The following HAUS6 variants were observed in gnomAD, a reference collection of about 807,000 sequenced individuals.
HAUS6 encodes the protein HAUS augmin-like complex subunit 6.
In HAUS6, 80 loss-of-function variants were observed where a neutral mutation model predicts 106.8. The observed-to-expected ratio is 0.75, with a 90% CI of 0.63 to 0.90. The LOEUF (loss-of-function observed/expected upper bound fraction) is 0.90, where lower values mean the gene tolerates loss of function less well. Ranked by LOEUF, HAUS6 falls within the 40% of genes least tolerant of loss-of-function variation. The probability of loss-of-function intolerance (pLI) is 0.00; values close to 1 mark genes in which losing one functional copy is unlikely to be tolerated. For synonymous variants in HAUS6, 356 were observed against 379.1 expected (o/e 0.94, Z 0.71); for missense variants, 1,155 against 1,118.1 (o/e 1.03, Z -0.47).
At chr9:19,088,505 A>G (rs966952525) in intron 5 of HAUS6, among the ~76,000 whole-genome samples, 1 of 152,194 alleles carries the variant, frequency 6.6e-6, no homozygotes, top group African/African-American at 2.4e-5. Context: ...GAAATAAAAT[A>G]AACACTACAA....
Position 19,089,354 on chromosome 9 carries a change from T to C in HAUS6, c.584+58A>G, listed in dbSNP as rs139042724. The C allele has an allele frequency of 5.0e-4, 544 of 1,079,694 alleles. 2 individuals are homozygous for C. In the African/African-American group the frequency reaches 7.7e-3, roughly 15 times the overall value. 66.9% of individuals were successfully genotyped at this position (1,079,694 alleles called of 1,614,324 possible). ...ATGGATTATTTCTCCTGACATTATA[T>C]TGGTGACATCTGTTCAAAAGAAAGA... On this transcript the variant is annotated intron_variant, in intron 5 of 16. Coordinates refer to ENST00000380502, the MANE Select transcript of HAUS6 (RefSeq NM_017645.5).
At chr9:19,080,847 C>G (rs1467695034) in intron 8 of HAUS6, among the ~76,000 whole-genome samples, 175 bp from the exon 9 acceptor site, 3 of 151,998 alleles carry the variant, frequency 2.0e-5, no homozygotes, top group Non-Finnish European at 4.4e-5. Context: ...GTGGTGGGGG[C>G]GGATCACCTG....
intron 15 of HAUS6, 88 bp downstream of exon 15, chr9:19,060,000 A>C (rs748908456): frequency 9.9e-7 from 1 of 1,007,102 alleles, no homozygotes; most frequent in Non-Finnish European, 1.5e-6. Flanking sequence ...GCCTTTGGCA[A>C]CTCAGCTAAA....
At position 19,060,724 on chromosome 9, in the gene HAUS6, G is replaced by A. The variant is rs951896145; in HGVS notation, c.1630-501C>T. On this transcript the variant is annotated intron_variant, in intron 14 of 16. Coordinates refer to ENST00000380502, the MANE Select transcript of HAUS6 (RefSeq NM_017645.5). ...ATCTTCATTACTGAAAAAAGCATAC[G>A]TACATTCTAAAACTAAAAAAGTATC... Among the ~76,000 whole-genome samples, 9 of 152,038 alleles carry A rather than the reference G, an allele frequency of 5.9e-5. No homozygotes were observed. The East Asian group carries it at 7.7e-4, about 13-fold the overall frequency.
intron 1 of HAUS6, among the ~76,000 whole-genome samples, chr9:19,100,548 T>C (rs1168801471): frequency 6.6e-6 from 1 of 152,092 alleles, no homozygotes; most frequent in East Asian, 1.9e-4. Flanking sequence ...AAAATAGAAG[T>C]ACCCTATGAT....
intron 13 of HAUS6, 148 bp downstream of exon 13, chr9:19,063,366 A>G: frequency 1.7e-6 from 1 of 578,758 alleles, no homozygotes; most frequent in Non-Finnish European, 2.9e-6. Flanking sequence ...CTTAGCAATA[A>G]GGAATATAAG....
At chr9:19,064,537 G>C (rs1836717138) in intron 12 of HAUS6, among the ~76,000 whole-genome samples, 1 of 151,800 alleles carries the variant, frequency 6.6e-6, no homozygotes. Flanking sequence ...TTTTACTTTG[G>C]TCTTAAAAAC....
At chr9:19,074,115 A>C (rs117236968) in intron 11 of HAUS6, among the ~76,000 whole-genome samples, 5,907 of 152,014 alleles carry the variant, frequency 0.039, 126 homozygotes, top group Non-Finnish European at 0.051. Flanking sequence ...GGCATGGCAG[A>C]GTGTGCCTGT....
intron 7 of HAUS6, among the ~76,000 whole-genome samples, chr9:19,084,051 CAAAA>C (rs35034404): frequency 1.0e-5 from 1 of 100,436 alleles, no homozygotes. Flanking sequence ...AGGATCCTTG[CAAAA>C]AAAAAAAAAA....
chr9:19,088,306 C>T (rs1817669135), intron 5 of HAUS6, among the ~76,000 whole-genome samples: 1 of 151,606 alleles, frequency 6.6e-6, no homozygotes, highest in African/African-American at 2.4e-5. Flanking sequence ...ATCCCAATTA[C>T]TCGGGAGGCT....
At chr9:19,073,479 C>T (rs191069163) in intron 11 of HAUS6, among the ~76,000 whole-genome samples, 19 of 150,860 alleles carry the variant, frequency 1.3e-4, no homozygotes, top group African/African-American at 4.1e-4. Context: ...TAAACGGACA[C>T]ATTTTCCCTC....
intron 1 of HAUS6, among the ~76,000 whole-genome samples, chr9:19,100,255 G>C (rs541801835): frequency 1.1e-4 from 17 of 152,246 alleles, no homozygotes; most frequent in Non-Finnish European, 2.2e-4. Context: ...CCAGCTATTC[G>C]GGAGGCTGAA....
intron 10 of HAUS6, 61 bp downstream of exon 10, chr9:19,078,115 T>C: frequency 7.8e-7 from 1 of 1,276,830 alleles, no homozygotes; most frequent in South Asian, 1.3e-5. Flanking sequence ...CAAGACACTG[T>C]CTCAAAAAAA....
intron 11 of HAUS6, among the ~76,000 whole-genome samples, chr9:19,074,667 T>C (rs1466205663): frequency 2.6e-5 from 4 of 152,088 alleles, no homozygotes; most frequent in Non-Finnish European, 5.9e-5. Context: ...CCTCCCCAAA[T>C]ACACCTGACT....
rs151203048 is a variant in HAUS6 at position 19,056,376 on chromosome 9, A to G, written c.2835T>C (p.Asp945=). Residue 945 remains aspartate (D), a synonymous_variant, in exon 17 of 17, where the codon GAT becomes GAC. Transcript: ENST00000380502. ...TCAAGTCAGACGGTGGTTCTTTTGCATCAAGGCTCTTATTCAAAATGTCTT... is the reference window on the plus strand; with the variant it reads ...TCAAGTCAGACGGTGGTTCTTTTGCGTCAAGGCTCTTATTCAAAATGTCTT... The part of the protein sequence containing the change: ...KEEDILNKSL[D]AKEPPSDLTR 9.0e-4 allele frequency: 1,401 copies of G among 1,556,248 alleles called. 9 individuals are homozygous for G. In the African/African-American group the frequency reaches 0.017, roughly 19 times the overall value.
intron 11 of HAUS6, among the ~76,000 whole-genome samples, chr9:19,074,562 A>C (rs940133837): frequency 1.3e-5 from 2 of 152,054 alleles, no homozygotes; most frequent in Non-Finnish European, 2.9e-5. Context: ...GTGAGCTGCT[A>C]TGCCCAGCCC....
chr9:19,089,943 T>C (rs1483097451), intron 4 of HAUS6, among the ~76,000 whole-genome samples: 1 of 151,960 alleles, frequency 6.6e-6, no homozygotes, highest in East Asian at 1.9e-4. Flanking sequence ...AGCAATCCTC[T>C]CACCTCAGCC....
intron 10 of HAUS6, among the ~76,000 whole-genome samples, chr9:19,077,184 G>A (rs1256488735): frequency 2.0e-5 from 3 of 152,178 alleles, no homozygotes; most frequent in Non-Finnish European, 2.9e-5. Context: ...TTAGGAGCAA[G>A]GGGGATTACT....
chr9:19,081,803 C>A (rs1021193690), intron 8 of HAUS6, among the ~76,000 whole-genome samples: 4 of 152,078 alleles, frequency 2.6e-5, no homozygotes, highest in African/African-American at 9.7e-5. Context: ...CACTGGCTCA[C>A]GCCTGTAATC....
Sources: gnomAD v4.1 joint callset for allele counts (sites outside exome capture counted in the v4.1 genomes callset) on GRCh38, gnomAD v4.1.1 for gene constraint, MANE v1.5 for transcripts, NCBI Gene and HGNC (gene_info 2026-07-23, HGNC 2026-07-21) for gene names.